FAM20B: variants seen among roughly 807,000 people sequenced by gnomAD.
FAM20B encodes glycosaminoglycan xylosylkinase.
In FAM20B, 23 loss-of-function variants were observed where a neutral mutation model predicts 43.8. The observed-to-expected ratio is 0.53, with a 90% CI of 0.38 to 0.74. FAM20B has a LOEUF of 0.74. Among genes scored for constraint, FAM20B ranks in the 30% least tolerant of loss-of-function variants. The pLI is 0.00. For missense variants in FAM20B, 440 were observed against 510.5 expected (o/e 0.86, Z 1.33); for synonymous variants, 178 against 192.4 (o/e 0.93, Z 0.62).
chr1:179,069,847 C>T (rs1651841826), intron 7 of FAM20B, among the ~76,000 whole-genome samples: 1 of 152,184 alleles, frequency 6.6e-6, no homozygotes, highest in Non-Finnish European at 1.5e-5. Flanking sequence ...AGCAGTCTTT[C>T]TTACCTTTTA....
chr1:179,019,676 G>C, the FAM20B span, among the ~76,000 whole-genome samples: 1 of 152,070 alleles, frequency 6.6e-6, no homozygotes, highest in African/African-American at 2.4e-5. Flanking sequence ...TGGTCAGGCT[G>C]GTCTCAAACT....
chr1:179,063,564 G>T (rs1651563911), intron 4 of FAM20B, among the ~76,000 whole-genome samples: 1 of 152,160 alleles, frequency 6.6e-6, no homozygotes, highest in Non-Finnish European at 1.5e-5. Context: ...CTCCAGCTTG[G>T]ATGACAAAGC....
At chr1:179,019,407 G>C in the FAM20B span, among the ~76,000 whole-genome samples, 1 of 151,958 alleles carries the variant, frequency 6.6e-6, no homozygotes, top group East Asian at 1.9e-4. Context: ...TGGATGACTG[G>C]TGGTCACATT....
At chr1:179,070,058 T>C (rs945294049) in intron 7 of FAM20B, among the ~76,000 whole-genome samples, 1 of 152,168 alleles carries the variant, frequency 6.6e-6, no homozygotes, top group Non-Finnish European at 1.5e-5. Flanking sequence ...TATTTTATCT[T>C]ATTTTGAGAT....
At chr1:179,034,404 T>C (rs751425373) in intron 1 of FAM20B, among the ~76,000 whole-genome samples, 22 of 150,256 alleles carry the variant, frequency 1.5e-4, no homozygotes, top group East Asian at 3.9e-4. Context: ...CTCTCTCTCT[T>C]TTTTTTTAAT....
intron 1 of FAM20B, among the ~76,000 whole-genome samples, chr1:179,029,194 G>A (rs992636770): frequency 6.6e-6 from 1 of 152,228 alleles, no homozygotes; most frequent in Non-Finnish European, 1.5e-5. Flanking sequence ...TTATTTTGAC[G>A]GTGGAAGAGG....
intron 2 of FAM20B, among the ~76,000 whole-genome samples, chr1:179,045,331 G>A (rs945060736): frequency 6.6e-6 from 1 of 152,130 alleles, no homozygotes. Flanking sequence ...GAAATCTTTT[G>A]GGTACTAAAC....
upstream of FAM20B, among the ~76,000 whole-genome samples, chr1:179,021,672 C>CT (rs1037077240): frequency 7.2e-5 from 11 of 152,194 alleles, no homozygotes; most frequent in African/African-American, 2.6e-4. Flanking sequence ...ATGTATTTTT[C>CT]TTTTTGCTTT....
chr1:179,030,902 T>C (rs1649985056), intron 1 of FAM20B, among the ~76,000 whole-genome samples: 1 of 150,056 alleles, frequency 6.7e-6, no homozygotes, highest in African/African-American at 2.5e-5. Flanking sequence ...AATGTGTGTG[T>C]GTGTGTTTGT....
chr1:179,036,158 G>C (rs1389128018), intron 1 of FAM20B, among the ~76,000 whole-genome samples: 1 of 151,974 alleles, frequency 6.6e-6, no homozygotes, highest in African/African-American at 2.4e-5. Flanking sequence ...AAGTAAATTA[G>C]CCTCCGTAGC....
chr1:179,074,160 TATAC>T lies in FAM20B; in HGVS notation c.*2019_*2022del, dbSNP rs1557882680. Reference sequence around the variant, plus strand: ...AATTAGGAAACTTTTGTACATTTTATATACATTTTGAGATGAACAGAACAATGGG... The same window carrying T: ...AATTAGGAAACTTTTGTACATTTTATATTTTGAGATGAACAGAACAATGGG... On this transcript the variant is annotated 3_prime_UTR_variant, in exon 8 of 8. Coordinates refer to ENST00000263733, the MANE Select transcript of FAM20B (RefSeq NM_014864.4). 1 of 152,674 alleles carries T rather than the reference TATAC, an allele frequency of 6.5e-6. No individual in the cohort carries two copies. Among genetic ancestry groups the T allele is most frequent in the Non-Finnish European group, 1.5e-5 (1 of 68,048 alleles). The allele number at this position is 152,674 out of a possible 1,614,324, so 9.5% of individuals were successfully genotyped here. A position where few individuals can be genotyped will look rare whatever the true frequency, so the allele number is the denominator to read the frequency against.
intron 1 of FAM20B, among the ~76,000 whole-genome samples, chr1:179,026,631 A>G (rs1487960851): frequency 1.3e-5 from 2 of 152,194 alleles, no homozygotes; most frequent in South Asian, 2.1e-4. Context: ...AGGCGGGGCA[A>G]CCGTGCCCGG....
chr1:179,062,851 A>G (rs1651527892), intron 4 of FAM20B, among the ~76,000 whole-genome samples: 1 of 151,810 alleles, frequency 6.6e-6, no homozygotes, highest in African/African-American at 2.4e-5. Flanking sequence ...CTTCCTCTAT[A>G]CCTACCCCTC....
chr1:179,067,590 T>C (rs992216253), intron 7 of FAM20B, among the ~76,000 whole-genome samples: 6 of 151,846 alleles, frequency 4.0e-5, no homozygotes, highest in African/African-American at 1.5e-4. Context: ...GGTGACAGAG[T>C]GAGACTCTGT....
chr1:179,029,281 A>C (rs150993488), intron 1 of FAM20B, among the ~76,000 whole-genome samples: 2,104 of 152,292 alleles, frequency 0.014, 24 homozygotes, highest in Non-Finnish European at 0.022. Context: ...GTTTTCCTTC[A>C]GCTGTCTCTG....
chr1:179,025,735 G>C (rs1052251024), upstream of FAM20B: 7 of 151,796 alleles, frequency 4.6e-5, no homozygotes, highest in African/African-American at 1.7e-4. Context: ...GGACGGGCCC[G>C]GTATGGAAGA....
At chr1:179,066,917 A>G in intron 7 of FAM20B, 58 bp downstream of exon 7, 2 of 1,230,996 alleles carry the variant, frequency 1.6e-6, no homozygotes, top group Non-Finnish European at 2.4e-6. Context: ...AGGCTCAGGT[A>G]ACAGTACATC....
At chr1:179,047,874 T>G (rs1650845433) in intron 2 of FAM20B, among the ~76,000 whole-genome samples, 1 of 152,238 alleles carries the variant, frequency 6.6e-6, no homozygotes, top group Admixed American at 6.5e-5. Context: ...TGAATTTTGC[T>G]GCTCTGTCAG....
chr1:179,059,131 A>T (rs1233949536), intron 4 of FAM20B, among the ~76,000 whole-genome samples: 1 of 152,250 alleles, frequency 6.6e-6, no homozygotes, highest in East Asian at 1.9e-4. Flanking sequence ...CATTCTTGTC[A>T]CAGTTGGTAG....
Sources: gnomAD v4.1 joint callset for allele counts (sites outside exome capture counted in the v4.1 genomes callset) on GRCh38, gnomAD v4.1.1 for gene constraint, MANE v1.5 for transcripts, NCBI Gene and HGNC (gene_info 2026-07-23, HGNC 2026-07-21) for gene names.